The following TANC2 variants were observed in gnomAD, a reference collection of about 807,000 sequenced individuals.
The protein encoded by TANC2 is protein TANC2.
In TANC2, 26 loss-of-function variants were observed where a neutral mutation model predicts 210.5. The observed-to-expected ratio is 0.12, with a 90% CI of 0.09 to 0.17. The LOEUF (loss-of-function observed/expected upper bound fraction) is 0.17, where lower values mean the gene tolerates loss of function less well. Ranked by LOEUF, TANC2 falls within the 10% of genes least tolerant of loss-of-function variation. The probability of loss-of-function intolerance (pLI) is 1.00; values close to 1 mark genes in which losing one functional copy is unlikely to be tolerated. For missense variants in TANC2, 2,129 were observed against 2,608.9 expected (o/e 0.82, Z 4.01); for synonymous variants, 931 against 967.1 (o/e 0.96, Z 0.69).
intron 8 of TANC2, among the ~76,000 whole-genome samples, chr17:63,255,279 A>G (rs2043161537): frequency 6.6e-6 from 1 of 151,786 alleles, no homozygotes; most frequent in Non-Finnish European, 1.5e-5. Context: ...TTTTTAGTAG[A>G]GACGAGGTTT....
intron 9 of TANC2, among the ~76,000 whole-genome samples, chr17:63,308,509 A>G (rs1214388589): frequency 6.6e-6 from 1 of 152,230 alleles, no homozygotes; most frequent in Non-Finnish European, 1.5e-5. Context: ...ATATAAACCA[A>G]GTACTCAGCC....
At chr17:63,032,308 C>T (rs187954712) in intron 2 of TANC2, among the ~76,000 whole-genome samples, 1 of 152,210 alleles carries the variant, frequency 6.6e-6, no homozygotes, top group Admixed American at 6.6e-5. Context: ...GTCAGTTACA[C>T]TTTGGACTAG....
chr17:63,104,687 A>G (rs796379945), intron 4 of TANC2, among the ~76,000 whole-genome samples: 159 of 152,314 alleles, frequency 1.0e-3, no homozygotes, highest in African/African-American at 3.7e-3. Flanking sequence ...ACATACACAC[A>G]TGCATGCGTT....
intron 3 of TANC2, among the ~76,000 whole-genome samples, chr17:63,098,513 G>GTATATATATATATATATATA (rs779741664): frequency 2.4e-5 from 3 of 125,404 alleles, no homozygotes; most frequent in South Asian, 5.3e-4. Context: ...CTCTCTCTGT[G>GTATATATATATATATATATA]TGTATATATA....
chr17:63,362,156 C>T (rs879895856), intron 14 of TANC2, among the ~76,000 whole-genome samples: 3 of 152,232 alleles, frequency 2.0e-5, no homozygotes, highest in Non-Finnish European at 4.4e-5. Flanking sequence ...CTCCTATCTA[C>T]AGGCAGGTTG....
chr17:63,382,656 T>C (rs1167808464), intron 15 of TANC2, among the ~76,000 whole-genome samples: 1 of 152,210 alleles, frequency 6.6e-6, no homozygotes, highest in Non-Finnish European at 1.5e-5. Flanking sequence ...ATATAATAGA[T>C]AACGCTTTTG....
chr17:63,318,855 T>G, intron 10 of TANC2, 102 bp from the exon 11 acceptor site: 1 of 1,345,018 alleles, frequency 7.4e-7, no homozygotes, highest in Non-Finnish European at 1.0e-6. Context: ...AGTATATACT[T>G]AGGAGCAGAA....
intron 1 of TANC2, among the ~76,000 whole-genome samples, chr17:62,992,876 T>C (rs542711509): frequency 1.3e-5 from 2 of 152,362 alleles, no homozygotes; most frequent in Admixed American, 1.3e-4. Flanking sequence ...TTCTTACAGT[T>C]CTGGAAGTCA....
intron 2 of TANC2, among the ~76,000 whole-genome samples, chr17:63,062,480 GC>G (rs1481142640): frequency 1.3e-5 from 2 of 152,190 alleles, no homozygotes; most frequent in Non-Finnish European, 2.9e-5. Flanking sequence ...AACTGGTCCA[GC>G]CTCTTCTGAA....
intron 12 of TANC2, among the ~76,000 whole-genome samples, chr17:63,342,115 C>T (rs1443921607): frequency 6.6e-6 from 1 of 152,040 alleles, no homozygotes; most frequent in Non-Finnish European, 1.5e-5. Flanking sequence ...GATCTACCTG[C>T]CCCCCTCCAG....
chr17:63,240,713 C>G (rs1335828445), intron 8 of TANC2, among the ~76,000 whole-genome samples: 1 of 152,160 alleles, frequency 6.6e-6, no homozygotes, highest in Non-Finnish European at 1.5e-5. Context: ...TGAAACTAAC[C>G]ACCAGACAGT....
intron 4 of TANC2, among the ~76,000 whole-genome samples, chr17:63,113,988 G>T (rs575947161): frequency 6.6e-6 from 1 of 152,180 alleles, no homozygotes; most frequent in Non-Finnish European, 1.5e-5. Flanking sequence ...AAAAAATTAT[G>T]TATACATCTA....
chr17:63,221,050 T>A (rs556105381), intron 7 of TANC2, among the ~76,000 whole-genome samples: 2 of 151,980 alleles, frequency 1.3e-5, no homozygotes, highest in Non-Finnish European at 2.9e-5. Context: ...TAGGCAAAAA[T>A]TTTTAAAATT....
intron 1 of TANC2, among the ~76,000 whole-genome samples, chr17:62,981,493 T>C (rs865839129): frequency 2.0e-5 from 3 of 151,822 alleles, no homozygotes; most frequent in African/African-American, 4.8e-5. Flanking sequence ...TTATTCTCCT[T>C]CTTTCTTCCC....
At chr17:63,144,184 T>C (rs2039386805) in intron 4 of TANC2, among the ~76,000 whole-genome samples, 1 of 152,180 alleles carries the variant, frequency 6.6e-6, no homozygotes, top group Non-Finnish European at 1.5e-5. Context: ...ATGGATATAA[T>C]TGCTGTGTTA....
intron 14 of TANC2, among the ~76,000 whole-genome samples, chr17:63,367,278 A>C (rs1470061814): frequency 6.6e-6 from 1 of 152,302 alleles, no homozygotes; most frequent in East Asian, 1.9e-4. Context: ...CTGACACTAA[A>C]GCCATTATAC....
At chr17:63,073,035 C>G (rs2036453335) in intron 2 of TANC2, among the ~76,000 whole-genome samples, 1 of 151,992 alleles carries the variant, frequency 6.6e-6, no homozygotes, top group Non-Finnish European at 1.5e-5. Flanking sequence ...TTTTCCCTGT[C>G]AAGTTAAAAA....
chr17:63,254,896 T>C (rs1234681722), intron 8 of TANC2, among the ~76,000 whole-genome samples: 1 of 152,042 alleles, frequency 6.6e-6, no homozygotes, highest in Non-Finnish European at 1.5e-5. Flanking sequence ...GTTGAGGATT[T>C]TTGCATCAGT....
intron 9 of TANC2, among the ~76,000 whole-genome samples, chr17:63,284,312 A>G (rs973878583): frequency 5.3e-5 from 8 of 151,986 alleles, no homozygotes; most frequent in Non-Finnish European, 1.2e-4. Context: ...ATGACTTTTT[A>G]ATATATTGAT....
Sources: allele counts gnomAD v4.1 joint callset (sites outside exome capture counted in the v4.1 genomes callset), GRCh38; gene constraint gnomAD v4.1.1; transcripts MANE v1.5; gene names NCBI Gene and HGNC (gene_info 2026-07-23, HGNC 2026-07-21).